The following ABCC4 variants were observed in gnomAD, a reference collection of about 807,000 sequenced individuals.
The protein encoded by ABCC4 is ATP-binding cassette sub-family C member 4.
A neutral mutation model predicts 168.5 loss-of-function variants in ABCC4; 102 were observed. The ratio of observed to expected loss-of-function variants is 0.61; its 90% confidence interval spans 0.52 to 0.71. ABCC4 has a LOEUF of 0.71. ABCC4 is among the 30% of genes least tolerant of loss of function. The probability of loss-of-function intolerance (pLI) is 0.00; values close to 1 mark genes in which losing one functional copy is unlikely to be tolerated. For missense variants in ABCC4, 1,402 were observed against 1,605.8 expected (o/e 0.87, Z 2.17); for synonymous variants, 617 against 590.7 (o/e 1.04, Z -0.65).
At chr13:95,241,871 G>A (rs1421972923) in intron 3 of ABCC4, among the ~76,000 whole-genome samples, 1 of 152,198 alleles carries the variant, frequency 6.6e-6, no homozygotes, top group Non-Finnish European at 1.5e-5. Flanking sequence ...GCTTAGTTAA[G>A]AGTATATGGC....
intron 19 of ABCC4, among the ~76,000 whole-genome samples, chr13:95,126,905 C>T (rs2035801712): frequency 7.2e-6 from 1 of 139,746 alleles, no homozygotes; most frequent in African/African-American, 2.6e-5. Flanking sequence ...TTAAGTACAC[C>T]ATTAAAAAGC....
chr13:95,255,455 G>A (rs935075849), intron 1 of ABCC4, among the ~76,000 whole-genome samples: 1 of 152,048 alleles, frequency 6.6e-6, no homozygotes, highest in Non-Finnish European at 1.5e-5. Context: ...AAAGTTCAAC[G>A]ATCACCAGAC....
Position 95,177,907 on chromosome 13 carries a change from C to G in ABCC4, c.1640+90G>C, listed in dbSNP as rs988216541. The G allele has an allele frequency of 2.0e-6, 3 of 1,496,394 alleles. No individual in the cohort carries two copies. In the Admixed American group the frequency reaches 5.0e-5, roughly 25 times the overall value. 92.7% of individuals were successfully genotyped at this position (1,496,394 alleles called of 1,614,324 possible). ...ACCCAAGAAGGTGCTTCACACAGGACGCAATACACAGTAAGCAGGTCCTAT... is the reference window on the plus strand; with the variant it reads ...ACCCAAGAAGGTGCTTCACACAGGAGGCAATACACAGTAAGCAGGTCCTAT... On this transcript the variant is annotated intron_variant, in intron 12 of 30. Transcript: ENST00000645237.
At chr13:95,127,653 C>A (rs1396954140) in intron 19 of ABCC4, among the ~76,000 whole-genome samples, 1 of 152,088 alleles carries the variant, frequency 6.6e-6, no homozygotes, top group Non-Finnish European at 1.5e-5. Flanking sequence ...GGTGGTCTCC[C>A]CTTGCATCTA....
chr13:95,122,457 G>T (rs2035603971), intron 19 of ABCC4, among the ~76,000 whole-genome samples: 2 of 152,152 alleles, frequency 1.3e-5, no homozygotes, highest in Non-Finnish European at 2.9e-5. Flanking sequence ...TTACCAGCAT[G>T]TCTTTACTTT....
intron 1 of ABCC4, among the ~76,000 whole-genome samples, chr13:95,275,640 T>C (rs1301613706): frequency 6.6e-6 from 1 of 151,452 alleles, no homozygotes; most frequent in Non-Finnish European, 1.5e-5. Context: ...ATCAACTCTC[T>C]CAGCAGCACT....
At chr13:95,223,845 T>C (rs544093702) in intron 4 of ABCC4, among the ~76,000 whole-genome samples, 11 of 152,102 alleles carry the variant, frequency 7.2e-5, no homozygotes, top group Non-Finnish European at 1.6e-4. Flanking sequence ...AGAGCTGCAA[T>C]ACTGAAATGA....
At chr13:95,123,562 A>G (rs988052508) in intron 19 of ABCC4, among the ~76,000 whole-genome samples, 1 of 152,098 alleles carries the variant, frequency 6.6e-6, no homozygotes, top group African/African-American at 2.4e-5. Context: ...GGGTTTCACC[A>G]TGTTGGCTGG....
At chr13:95,240,001 G>A (rs934527087) in intron 3 of ABCC4, among the ~76,000 whole-genome samples, 6 of 152,126 alleles carry the variant, frequency 3.9e-5, no homozygotes, top group African/African-American at 7.2e-5. Context: ...GAGGTATCTC[G>A]AAGTGGCAGG....
intron 20 of ABCC4, among the ~76,000 whole-genome samples, chr13:95,102,395 G>T (rs896432886): frequency 7.9e-5 from 12 of 151,714 alleles, no homozygotes; most frequent in Non-Finnish European, 8.8e-5. Context: ...TTCTTTCCAG[G>T]TCGGCCTCCC....
intron 26 of ABCC4, among the ~76,000 whole-genome samples, chr13:95,061,584 G>GAAT (rs1312628769): frequency 1.5e-5 from 2 of 135,368 alleles, no homozygotes; most frequent in East Asian, 4.5e-4. Flanking sequence ...CTCTTCTCCA[G>GAAT]AATATGTGTT....
intron 20 of ABCC4, among the ~76,000 whole-genome samples, chr13:95,102,232 A>C (rs559074648): frequency 9.9e-5 from 15 of 152,158 alleles, no homozygotes; most frequent in African/African-American, 3.6e-4. Context: ...GCAACCTCGA[A>C]CTTCTGGGCT....
At chr13:95,038,147 C>T (rs190380213) in intron 29 of ABCC4, among the ~76,000 whole-genome samples, 8 of 152,190 alleles carry the variant, frequency 5.3e-5, no homozygotes, top group African/African-American at 1.9e-4. Context: ...TGAGCCCCCA[C>T]ATATGGCCCA....
At chr13:95,256,558 C>T (rs963071539) in intron 1 of ABCC4, among the ~76,000 whole-genome samples, 4 of 152,158 alleles carry the variant, frequency 2.6e-5, no homozygotes, top group African/African-American at 2.4e-5. Flanking sequence ...TAGTTTGACA[C>T]CAGCCTGGAC....
At chr13:95,035,616 CT>C (rs2032088866) in intron 29 of ABCC4, among the ~76,000 whole-genome samples, 1 of 152,150 alleles carries the variant, frequency 6.6e-6, no homozygotes, top group African/African-American at 2.4e-5. Context: ...AGCTGCTTGC[CT>C]TTTAGCTGCT....
chr13:95,269,641 A>G (rs1331053872), intron 1 of ABCC4, among the ~76,000 whole-genome samples: 1 of 152,080 alleles, frequency 6.6e-6, no homozygotes, highest in African/African-American at 2.4e-5. Context: ...ATAATTTATT[A>G]TCCACGTTAC....
intron 4 of ABCC4, among the ~76,000 whole-genome samples, chr13:95,226,741 C>T (rs894667081): frequency 1.3e-5 from 2 of 152,110 alleles, no homozygotes; most frequent in African/African-American, 4.8e-5. Flanking sequence ...ACTCAACACC[C>T]GGGCTCTCCT....
chr13:95,264,408 T>C (rs2040613674), intron 1 of ABCC4, among the ~76,000 whole-genome samples: 1 of 152,178 alleles, frequency 6.6e-6, no homozygotes, highest in Non-Finnish European at 1.5e-5. Flanking sequence ...CATAAAGTAT[T>C]GCATAATCAA....
intron 4 of ABCC4, among the ~76,000 whole-genome samples, chr13:95,226,103 A>G (rs958777775): frequency 6.6e-6 from 1 of 151,324 alleles, no homozygotes; most frequent in Non-Finnish European, 1.5e-5. Flanking sequence ...TCAGGTGGAT[A>G]GAATTGCCCT....
Sources: allele counts gnomAD v4.1 joint callset (sites outside exome capture counted in the v4.1 genomes callset), GRCh38; gene constraint gnomAD v4.1.1; transcripts MANE v1.5; gene names NCBI Gene and HGNC (gene_info 2026-07-23, HGNC 2026-07-21).